The following BNIP3L variants were observed in gnomAD, a reference collection of about 807,000 sequenced individuals.
The protein encoded by BNIP3L is BCL2 interacting protein 3 like.
BNIP3L carries 10 observed loss-of-function variants against 25.5 expected under a neutral mutation model. The observed-to-expected ratio is 0.39, with a 90% CI of 0.24 to 0.67. BNIP3L has a LOEUF of 0.67. BNIP3L is among the 30% of genes least tolerant of loss of function. The pLI, the probability that BNIP3L is intolerant of heterozygous loss-of-function variation, is 0.45. For synonymous variants in BNIP3L, 113 were observed against 101.2 expected, an observed-to-expected ratio of 1.12 and a Z score of -0.70; for missense variants, 215 against 270.9, an observed-to-expected ratio of 0.79 and a Z score of 1.45.
intron 1 of BNIP3L, among the ~76,000 whole-genome samples, chr8:26,383,800 G>C (rs370087063): frequency 1.3e-5 from 2 of 152,154 alleles, no homozygotes; most frequent in African/African-American, 2.4e-5. Context: ...TGCTCGTCTA[G>C]GGTTGGCTTC....
chr8:26,410,646 CTGT>C lies in BNIP3L; in HGVS notation c.*239_*241del, dbSNP rs1367088515. The C allele has an allele frequency of 5.7e-6, 3 of 525,968 alleles. No individual in the cohort carries two copies. Among genetic ancestry groups the C allele is most frequent in the Non-Finnish European group, 1.0e-5 (3 of 292,794 alleles). 32.6% of individuals were successfully genotyped at this position (525,968 alleles called of 1,614,324 possible). A position where few individuals can be genotyped will look rare whatever the true frequency, so the allele number is the denominator to read the frequency against. On this transcript the variant is annotated 3_prime_UTR_variant, in exon 6 of 6. Transcript: ENST00000380629. ...TTTTAGAATTTCCTAACAGAGTTTA[CTGT>C]TGTTTAGAAATTTGCAAGGGCTTCT...
intron 1 of BNIP3L, among the ~76,000 whole-genome samples, chr8:26,388,523 T>C (rs993599603): frequency 3.9e-5 from 6 of 152,200 alleles, no homozygotes; most frequent in African/African-American, 1.4e-4. Flanking sequence ...TCAGTTATGA[T>C]TCAGGGTGTG....
chr8:26,384,695 A>G (rs1009726681), intron 1 of BNIP3L, among the ~76,000 whole-genome samples: 2 of 147,310 alleles, frequency 1.4e-5, no homozygotes, highest in Non-Finnish European at 3.0e-5. Context: ...AGAGGTTCTC[A>G]TGTTCAGCCT....
chr8:26,386,990 G>C (rs1440514862), intron 1 of BNIP3L, among the ~76,000 whole-genome samples: 1 of 152,180 alleles, frequency 6.6e-6, no homozygotes, highest in Non-Finnish European at 1.5e-5. Flanking sequence ...AATAATGAAT[G>C]AAAAGCTTTG....
chr8:26,410,487 A>C lies in BNIP3L; in HGVS notation c.*75A>C. Reference sequence around the variant, plus strand: ...TGTCACAGTAGCTTATTTGAACTTGAGACCATTGTAAGCATGACCCAACCT... The same window carrying C: ...TGTCACAGTAGCTTATTTGAACTTGCGACCATTGTAAGCATGACCCAACCT... On this transcript the variant is annotated 3_prime_UTR_variant, in exon 6 of 6. Transcript: ENST00000380629. 1 of 1,563,234 alleles carries C rather than the reference A, an allele frequency of 6.4e-7. No homozygotes were observed. Among genetic ancestry groups the C allele is most frequent in the Non-Finnish European group, 8.8e-7 (1 of 1,134,468 alleles).
intron 5 of BNIP3L, among the ~76,000 whole-genome samples, chr8:26,410,138 C>T (rs1285237173): frequency 6.6e-6 from 1 of 152,094 alleles, no homozygotes; most frequent in Non-Finnish European, 1.5e-5. Flanking sequence ...TGCTGTCGAG[C>T]CCCGATATTT....
chr8:26,406,156 C>CT (rs1282275336), intron 3 of BNIP3L, among the ~76,000 whole-genome samples: 1 of 152,154 alleles, frequency 6.6e-6, no homozygotes, highest in African/African-American at 2.4e-5. Context: ...TGTTCTTGGC[C>CT]TGAAACTTTA....
At position 26,402,372 on chromosome 8, in the gene BNIP3L, T is replaced by G. The variant is rs1276843481; in HGVS notation, c.358-5628T>G. Among the ~76,000 whole-genome samples, 11 of 152,198 alleles carry G rather than the reference T, an allele frequency of 7.2e-5. 1 individual carries two copies. Among genetic ancestry groups the G allele is most frequent in the Non-Finnish European group, 1.5e-5 (1 of 68,040 alleles). On this transcript the variant is annotated intron_variant, in intron 3 of 5. Transcript: ENST00000380629. ...CTGATGTAGAAGAAAGCTTACAAAG[T>G]CTCCATAGCAGAAAGTGTACCACGG...
intron 1 of BNIP3L, among the ~76,000 whole-genome samples, chr8:26,384,990 A>G (rs982882436): frequency 6.6e-5 from 10 of 151,928 alleles, no homozygotes; most frequent in African/African-American, 2.4e-4. Context: ...CATGTTGGCC[A>G]GGCTGGTCTC....
intron 3 of BNIP3L, among the ~76,000 whole-genome samples, chr8:26,405,411 T>A (rs1308381398): frequency 6.6e-6 from 1 of 152,200 alleles, no homozygotes; most frequent in African/African-American, 2.4e-5. Context: ...CAATAGCCAA[T>A]GGAAGGAGCT....
At chr8:26,404,146 G>A (rs770184685) in intron 3 of BNIP3L, among the ~76,000 whole-genome samples, 5 of 152,144 alleles carry the variant, frequency 3.3e-5, no homozygotes, top group African/African-American at 7.2e-5. Flanking sequence ...ACTGCTTTTC[G>A]GATGATCATC....
At position 26,383,067 on chromosome 8, in the gene BNIP3L, T is replaced by A. The variant is rs1436558764; in HGVS notation, c.-64T>A. Reference sequence around the variant, plus strand: ...AAAGGGGGCGGCGGACTCGGCTTGTTGTGTTGCTGCCTGAGTGCCGGAGAC... The same window carrying A: ...AAAGGGGGCGGCGGACTCGGCTTGTAGTGTTGCTGCCTGAGTGCCGGAGAC... On this transcript the variant is annotated 5_prime_UTR_variant, in exon 1 of 6. Coordinates refer to ENST00000380629, the MANE Select transcript of BNIP3L (RefSeq NM_004331.3). 6.9e-7 allele frequency: 1 copy of A among 1,450,406 alleles called. No homozygotes were observed. The highest frequency in any genetic ancestry group is 1.2e-5 in the South Asian group (1 of 81,736). 89.8% of individuals were successfully genotyped at this position (1,450,406 alleles called of 1,614,324 possible).
chr8:26,398,040 C>T (rs1442924910), intron 3 of BNIP3L, among the ~76,000 whole-genome samples: 1 of 55,508 alleles, frequency 1.8e-5, no homozygotes, highest in African/African-American at 7.4e-5. Context: ...TTTAACACCC[C>T]ACTGTCAATA....
At chr8:26,395,207 T>C in intron 2 of BNIP3L, 23 bp from the exon 3 acceptor site, 1 of 1,610,188 alleles carries the variant, frequency 6.2e-7, no homozygotes, top group Non-Finnish European at 8.5e-7. Context: ...TTAAAACTAA[T>C]AGCTGAATTC....
At chr8:26,383,477 G>C in intron 1 of BNIP3L, 3 of 1,292,690 alleles carry the variant, frequency 2.3e-6, no homozygotes, top group Non-Finnish European at 2.9e-6. Context: ...GGAGCGGCGC[G>C]GGTAGCGCGG....
In BNIP3L at chr8:26,408,384, C is replaced by G. The variant is rs1806546019; in HGVS notation, c.611+8C>G. 1 of 1,603,252 alleles carries G rather than the reference C, an allele frequency of 6.2e-7. No individual in the cohort carries two copies. Among genetic ancestry groups the G allele is most frequent in the East Asian group, 2.2e-5 (1 of 44,750 alleles). ...TTTGGCTTTGGGGCTAGGGTAAGTA[C>G]CGGTCAACTCCTGAAGTTTTTTCCA... On this transcript the variant is annotated splice_region_variant and intron_variant, in intron 5 of 5. Coordinates refer to ENST00000380629, the MANE Select transcript of BNIP3L (RefSeq NM_004331.3).
chr8:26,385,139 T>A (rs1805964717), intron 1 of BNIP3L, among the ~76,000 whole-genome samples: 1 of 152,222 alleles, frequency 6.6e-6, no homozygotes, highest in South Asian at 2.1e-4. Flanking sequence ...CAGTGTGTTA[T>A]TCTACCTAAT....
chr8:26,409,541 C>G (rs1806574414), intron 5 of BNIP3L, among the ~76,000 whole-genome samples: 1 of 152,096 alleles, frequency 6.6e-6, no homozygotes, highest in African/African-American at 2.4e-5. Flanking sequence ...AAACAGCAAC[C>G]TAGAAGGGGT....
intron 1 of BNIP3L, among the ~76,000 whole-genome samples, chr8:26,383,992 C>T (rs1411105688): frequency 6.6e-6 from 1 of 151,922 alleles, no homozygotes; most frequent in Admixed American, 6.6e-5. Flanking sequence ...GAGTCTGGGG[C>T]CATGCATTTA....
Sources: allele counts gnomAD v4.1 joint callset (sites outside exome capture counted in the v4.1 genomes callset), GRCh38; gene constraint gnomAD v4.1.1; transcripts MANE v1.5; gene names NCBI Gene and HGNC (gene_info 2026-07-23, HGNC 2026-07-21).